Variants in PAPOLG observed in about 807,000 individuals in gnomAD.
PAPOLG encodes the protein PAP-gamma.
A neutral mutation model predicts 99.0 loss-of-function variants in PAPOLG; 40 were observed. The ratio of observed to expected loss-of-function variants is 0.40; its 90% CI spans 0.31 to 0.53. The LOEUF (loss-of-function observed/expected upper bound fraction) is 0.53. Ranked by LOEUF, PAPOLG falls within the 20% of genes least tolerant of loss-of-function variation. PAPOLG has a pLI of 0.41. For missense variants in PAPOLG, 675 were observed against 884.1 expected (o/e 0.76, Z 3.00); for synonymous variants, 310 against 299.3 (o/e 1.04, Z -0.37).
chr2:60,775,887 C>A (rs1222538171), intron 8 of PAPOLG, among the ~76,000 whole-genome samples: 1 of 152,046 alleles, frequency 6.6e-6, no homozygotes, highest in African/African-American at 2.4e-5. Flanking sequence ...CCTCAGCCTA[C>A]CAAGTAGCTG....
chr2:60,758,756 G>C (rs961120172), intron 1 of PAPOLG, among the ~76,000 whole-genome samples: 1 of 152,038 alleles, frequency 6.6e-6, no homozygotes, highest in Non-Finnish European at 1.5e-5. Flanking sequence ...CTATTACAGC[G>C]TGTCTTACTC....
intron 8 of PAPOLG, 50 bp downstream of exon 8, chr2:60,775,173 C>A: frequency 6.4e-7 from 1 of 1,559,188 alleles, no homozygotes; most frequent in Non-Finnish European, 8.7e-7. Flanking sequence ...CTAATTTTCT[C>A]TTGCCAGTGA....
In PAPOLG at chr2:60,783,190, G is replaced by T; in HGVS notation, c.1147G>T (p.Glu383Ter). The T allele has an allele frequency of 6.3e-7, 1 of 1,588,846 alleles. No homozygotes were observed. Among genetic ancestry groups the T allele is most frequent in the South Asian group, 1.2e-5 (1 of 85,416 alleles). Residue 383 changes from glutamate to a stop codon, truncating the protein, a stop_gained, in exon 13 of 22, where the codon GAA (glutamate) becomes TAA (stop). Coordinates refer to ENST00000238714, the MANE Select transcript of PAPOLG (RefSeq NM_022894.4). LOFTEE classifies it high-confidence loss of function. The part of the protein sequence containing the change: ...YIVLTASAST[E>*]ENHLEWVGLV... ...AGTATTGACTGCCAGCGCATCAACA[G>T]AAGAAAACCATCTAGAGTGGTAAGA...
rs767014437 is a variant in PAPOLG, at chr2:60,760,161, A to G, written c.45A>G (p.Gln15=). Residue 15 remains glutamine (Q), a synonymous_variant, in exon 2 of 22, where the codon CAA becomes CAG. Transcript: ENST00000238714. ...ACACCGTGCTGGACAGCCAGCGTCA[A>G]CAAAAGCATTATGGAATTACCTCCC... ...SANTVLDSQR[Q]QKHYGITSPI... is the part of the protein sequence containing the mutation. The G allele has an allele frequency of 1.2e-6, 2 of 1,614,076 alleles. No individual in the cohort carries two copies. Among genetic ancestry groups the G allele is most frequent in the Admixed American group, 1.7e-5 (1 of 59,994 alleles).
In PAPOLG at chr2:60,760,111, AT is replaced by A. The variant is rs748923952; in HGVS notation, c.18-18del. On this transcript the variant is annotated intron_variant, in intron 1 of 21. Transcript: ENST00000238714. ...GTATATACTTTAAATTTTTTGTTTC[AT>A]TTTTCTTATTTTCTTGAACAGAAAC... The A allele has an allele frequency of 1.1e-5, 17 of 1,606,476 alleles. 1 individual carries two copies. In the South Asian group the frequency reaches 1.8e-4, roughly 17 times the overall value.
At chr2:60,791,511 C>T (rs374552858) in intron 15 of PAPOLG, 1 of 254,032 alleles carries the variant, frequency 3.9e-6, no homozygotes, top group Admixed American at 5.0e-5. Context: ...GAGATTGCGC[C>T]ATTGCACTCC....
In PAPOLG at chr2:60,799,115, A is replaced by G. The variant is rs909256250; in HGVS notation, c.*1955A>G. 10 of 152,500 alleles carry G rather than the reference A, an allele frequency of 6.6e-5. No individual in the cohort carries two copies. Among genetic ancestry groups the G allele is most frequent in the African/African-American group, 2.4e-4 (10 of 41,588 alleles). 9.4% of individuals were successfully genotyped at this position (152,500 alleles called of 1,614,324 possible). ...GACTTCAACTTTTGAAAGCTTTAGT[A>G]AGGAATTTGATTAAATTTTATATAC... is the stretch of plus-strand genomic sequence containing the variant. On this transcript the variant is annotated 3_prime_UTR_variant, in exon 22 of 22. Coordinates refer to ENST00000238714, the MANE Select transcript of PAPOLG (RefSeq NM_022894.4).
chr2:60,759,232 G>A (rs1670449322), intron 1 of PAPOLG, among the ~76,000 whole-genome samples: 1 of 152,142 alleles, frequency 6.6e-6, no homozygotes, highest in African/African-American at 2.4e-5. Context: ...GCTGGGTGTG[G>A]TGGCACATGC....
Position 60,760,236 on chromosome 2 carries a change from A to G in PAPOLG, c.120A>G (p.Lys40=). The change falls in exon 2 of 22, where the codon AAA becomes AAG. Residue 40 remains lysine, a synonymous_variant. Coordinates refer to ENST00000238714, the MANE Select transcript of PAPOLG (RefSeq NM_022894.4). ...PKEIDHIYTQ[K]LIDAMKPFGV... is the part of the protein sequence containing the mutation. ...AAATTGATCATATTTACACACAGAA[A>G]TTAATTGACGCCATGAAACCATTTG... The G allele has an allele frequency of 6.2e-7, 1 of 1,614,122 alleles. No homozygotes were observed. The highest frequency in any genetic ancestry group is 1.1e-5 in the South Asian group (1 of 91,080).
rs113508484 is a variant in PAPOLG at position 60,797,596 on chromosome 2, T to C, written c.*436T>C. ...AAAAATTGAAAACAAACAAAAAAAT[T>C]GTCTTGTATTTTCCAAATGTTAATA... On this transcript the variant is annotated 3_prime_UTR_variant, in exon 22 of 22. Coordinates refer to ENST00000238714, the MANE Select transcript of PAPOLG (RefSeq NM_022894.4). 3.1e-3 allele frequency: 474 copies of C among 154,954 alleles called. 5 individuals carry two copies. The highest frequency in any genetic ancestry group is 0.011 in the South Asian group (58 of 5,050). The allele number at this position is 154,954 out of a possible 1,614,324, so 9.6% of individuals were successfully genotyped here. A position where few individuals can be genotyped will look rare whatever the true frequency, so the allele number is the denominator to read the frequency against.
At chr2:60,795,581 T>G (rs1026828090) in intron 21 of PAPOLG, among the ~76,000 whole-genome samples, 5 of 148,198 alleles carry the variant, frequency 3.4e-5, no homozygotes, top group African/African-American at 1.3e-4. Flanking sequence ...AAAACCAGCC[T>G]TGTGTAAATA....
rs1670336804 is a variant in PAPOLG, at chr2:60,756,322, C to A, written c.-157C>A. ...AATAGAGCCGGTTTTGTGGTGTTTT[C>A]ACTACTCGGTTGGATGCCTCAGCCA... On this transcript the variant is annotated 5_prime_UTR_variant, in exon 1 of 22. Coordinates refer to ENST00000238714, the MANE Select transcript of PAPOLG (RefSeq NM_022894.4). 1.2e-5 allele frequency: 10 copies of A among 868,546 alleles called. No individual in the cohort carries two copies. Among genetic ancestry groups the A allele is most frequent in the Middle Eastern group, 2.5e-4 (1 of 4,074 alleles). 53.8% of individuals were successfully genotyped at this position (868,546 alleles called of 1,614,324 possible).
intron 15 of PAPOLG, 61 bp from the exon 16 acceptor site, chr2:60,791,700 A>G: frequency 6.5e-7 from 1 of 1,542,150 alleles, no homozygotes; most frequent in Non-Finnish European, 8.7e-7. Flanking sequence ...TTTCAGAAAA[A>G]TTAGGCAGAA....
chr2:60,792,375 G>A (rs1012091163), intron 17 of PAPOLG, 86 bp downstream of exon 17: 1 of 1,228,842 alleles, frequency 8.1e-7, no homozygotes, highest in African/African-American at 1.6e-5. Context: ...CTCTGCTACT[G>A]CCTTTTAAAA....
chr2:60,756,334 G>A lies in PAPOLG; in HGVS notation c.-145G>A. The A allele has an allele frequency of 1.0e-6, 1 of 964,580 alleles. No individual in the cohort carries two copies. The highest frequency in any genetic ancestry group is 1.7e-6 in the Non-Finnish European group (1 of 602,604). The allele number at this position is 964,580 out of a possible 1,614,324, so 59.8% of individuals were successfully genotyped here. ...TTTGTGGTGTTTTCACTACTCGGTT[G>A]GATGCCTCAGCCATAGTAAGTGGGA... On this transcript the variant is annotated 5_prime_UTR_variant, in exon 1 of 22. Coordinates refer to ENST00000238714, the MANE Select transcript of PAPOLG (RefSeq NM_022894.4).
At chr2:60,768,941 T>C (rs1670765887) in intron 5 of PAPOLG, 51 bp downstream of exon 5, 1 of 1,362,518 alleles carries the variant, frequency 7.3e-7, no homozygotes, top group African/African-American at 1.5e-5. Context: ...GTAACAAATA[T>C]CTATAAAAAC....
Position 60,760,301 on chromosome 2 carries a change from T to A in PAPOLG, c.179+6T>A. Reference sequence around the variant, plus strand: ...GAGGAAGAATTGAACCACAGGTATGTCATTGAAAACCATAAAATATTTGAC... The same window carrying A: ...GAGGAAGAATTGAACCACAGGTATGACATTGAAAACCATAAAATATTTGAC... On this transcript the variant is annotated splice_donor_region_variant and intron_variant, in intron 2 of 21. Coordinates refer to ENST00000238714, the MANE Select transcript of PAPOLG (RefSeq NM_022894.4). 6.2e-7 allele frequency: 1 copy of A among 1,605,610 alleles called. No homozygotes were observed. Among genetic ancestry groups the A allele is most frequent in the Non-Finnish European group, 8.5e-7 (1 of 1,173,842 alleles).
chr2:60,770,499 T>G lies in PAPOLG; in HGVS notation c.480T>G (p.Phe160Leu). The G allele has an allele frequency of 1.9e-6, 3 of 1,581,868 alleles. No individual in the cohort carries two copies. The highest frequency in any genetic ancestry group is 2.6e-6 in the Non-Finnish European group (3 of 1,157,486). ...DAFVPVIKFEFDGIEIDLVFA... is the reference protein window; with the variant it reads ...DAFVPVIKFELDGIEIDLVFA... The stretch of plus-strand genomic sequence containing the variant: ...TTGTACCTGTTATAAAATTTGAATT[T>G]GATGGTATTGAAGTAAGTGTTTAAT... The change falls in exon 6 of 22, where the codon TTT (phenylalanine) becomes TTG (leucine). Residue 160 changes from phenylalanine (F) to leucine (L), a missense_variant. Phe to Leu is a conservative substitution (Grantham distance 22). Around this residue, in one of 3 missense-constraint regions of PAPOLG, gnomAD observed 149 missense variants for 192.1 expected, o/e 0.78. Transcript: ENST00000238714.
intron 3 of PAPOLG, among the ~76,000 whole-genome samples, chr2:60,766,974 A>G (rs1158005441): frequency 6.6e-6 from 1 of 152,238 alleles, no homozygotes; most frequent in Non-Finnish European, 1.5e-5. Flanking sequence ...AGAGTAATTT[A>G]AGAACATCAG....
Sources: gnomAD v4.1 joint callset for allele counts (sites outside exome capture counted in the v4.1 genomes callset) on GRCh38, gnomAD v4.1.1 for gene constraint, gnomAD v4.1.1 regional missense constraint, MANE v1.5 for transcripts, NCBI Gene and HGNC (gene_info 2026-07-23, HGNC 2026-07-21) for gene names.